Variants in RABGAP1L observed in about 807,000 individuals in gnomAD.
The protein encoded by RABGAP1L is RAB GTPase activating protein 1 like.
In RABGAP1L, 63 loss-of-function variants were observed where a neutral mutation model predicts 137.7. The observed-to-expected ratio is 0.46, with a 90% CI of 0.37 to 0.56. The LOEUF (loss-of-function observed/expected upper bound fraction) is 0.56, where lower values mean the gene tolerates loss of function less well. RABGAP1L is among the 20% of genes least tolerant of loss of function. The pLI is 0.00. For synonymous variants in RABGAP1L, 431 were observed against 433.7 expected (o/e 0.99, Z 0.08); for missense variants, 1,095 against 1,244.0 (o/e 0.88, Z 1.80).
At position 174,328,498 on chromosome 1, in the gene RABGAP1L, G is replaced by A. The variant is rs189392303; in HGVS notation, c.1465+23371G>A. 2.9e-3 allele frequency among the ~76,000 whole-genome samples: 446 copies of A among 152,206 alleles called. 4 individuals are homozygous for A. The highest frequency in any genetic ancestry group is 9.8e-3 in the African/African-American group (406 of 41,528). On this transcript the variant is annotated intron_variant, in intron 11 of 25. Coordinates refer to ENST00000681986, the MANE Select transcript of RABGAP1L (RefSeq NM_001366446.1). ...TTTAAAAAATTTCTTGGCCGGGCAC[G>A]TTGTCTCATGCCTGTAATCCTAGCA... is the stretch of plus-strand genomic sequence containing the variant.
chr1:174,796,416 T>C (rs1025470643), intron 18 of RABGAP1L, among the ~76,000 whole-genome samples: 5 of 152,196 alleles, frequency 3.3e-5, no homozygotes, highest in African/African-American at 1.2e-4. Flanking sequence ...TGAGTGATGC[T>C]TTTAGGGCTT....
intron 19 of RABGAP1L, among the ~76,000 whole-genome samples, chr1:174,896,014 C>T (rs965105120): frequency 2.0e-5 from 3 of 152,182 alleles, no homozygotes; most frequent in African/African-American, 7.2e-5. Context: ...TGAGGAATCG[C>T]CTCATTGTCT....
At chr1:174,324,614 T>C (rs1164231697) in intron 11 of RABGAP1L, among the ~76,000 whole-genome samples, 1 of 152,190 alleles carries the variant, frequency 6.6e-6, no homozygotes, top group African/African-American at 2.4e-5. Flanking sequence ...TGAGAATGGC[T>C]GAAATTATCT....
chr1:174,608,575 G>T (rs777727612), intron 13 of RABGAP1L, among the ~76,000 whole-genome samples: 2 of 152,118 alleles, frequency 1.3e-5, no homozygotes, highest in Admixed American at 6.6e-5. Context: ...GGAAAATGTG[G>T]GATGGAGGAT....
chr1:174,439,077 G>T (rs1653825261), intron 13 of RABGAP1L, among the ~76,000 whole-genome samples: 1 of 150,936 alleles, frequency 6.6e-6, no homozygotes, highest in Non-Finnish European at 1.5e-5. Context: ...TGTTAAACTG[G>T]CTGGGACCTC....
intron 13 of RABGAP1L, among the ~76,000 whole-genome samples, chr1:174,481,490 T>C (rs1659083385): frequency 6.6e-6 from 1 of 152,184 alleles, no homozygotes; most frequent in Admixed American, 6.6e-5. Context: ...TAAGGCCTGG[T>C]TCATAGGCCA....
At position 174,837,522 on chromosome 1, in the gene RABGAP1L, C is replaced by T. The variant is rs114539775; in HGVS notation, c.2340+25562C>T. Among the ~76,000 whole-genome samples the T allele has an allele frequency of 5.5e-3, 845 of 152,264 alleles. 7 individuals carry two copies. Among genetic ancestry groups the T allele is most frequent in the African/African-American group, 0.02 (821 of 41,546 alleles). ...ACACAGGGACAGGTGGAAGAGCATGCCCCCATGAGAGCTTTAAAGGAATAC... is the reference window on the plus strand; with the variant it reads ...ACACAGGGACAGGTGGAAGAGCATGTCCCCATGAGAGCTTTAAAGGAATAC... On this transcript the variant is annotated intron_variant, in intron 19 of 25. Coordinates refer to ENST00000681986, the MANE Select transcript of RABGAP1L (RefSeq NM_001366446.1).
At chr1:174,411,499 TTTG>T (rs1649925898) in intron 13 of RABGAP1L, among the ~76,000 whole-genome samples, 1 of 152,070 alleles carries the variant, frequency 6.6e-6, no homozygotes, top group Non-Finnish European at 1.5e-5. Flanking sequence ...TCACATGGCT[TTTG>T]TTTTTGTTTT....
intron 20 of RABGAP1L, among the ~76,000 whole-genome samples, chr1:174,965,816 G>A (rs1371308468): frequency 6.6e-6 from 1 of 152,218 alleles, no homozygotes; most frequent in Non-Finnish European, 1.5e-5. Flanking sequence ...TAAAGCAAAA[G>A]CCAGTAGGCG....
At chr1:174,872,801 G>A (rs1217815896) in intron 19 of RABGAP1L, among the ~76,000 whole-genome samples, 1 of 151,920 alleles carries the variant, frequency 6.6e-6, no homozygotes. Flanking sequence ...TCAGCCTCCC[G>A]GGATTATGAG....
chr1:174,888,970 C>A (rs1655643132), intron 19 of RABGAP1L, among the ~76,000 whole-genome samples: 1 of 152,082 alleles, frequency 6.6e-6, no homozygotes, highest in Admixed American at 6.5e-5. Context: ...TGTGTGTATG[C>A]ATAAGATATG....
At chr1:174,932,252 GTT>G (rs918212609) in intron 19 of RABGAP1L, among the ~76,000 whole-genome samples, 1 of 140,098 alleles carries the variant, frequency 7.1e-6, no homozygotes, top group African/African-American at 2.6e-5. Flanking sequence ...ATACTTCTTT[GTT>G]TTTTTTTTTT....
intron 13 of RABGAP1L, among the ~76,000 whole-genome samples, chr1:174,517,908 T>C (rs1021285272): frequency 1.3e-5 from 2 of 152,230 alleles, no homozygotes; most frequent in Non-Finnish European, 2.9e-5. Flanking sequence ...TTACTAAGTT[T>C]CTTTTTAATG....
At chr1:174,259,740 G>A (rs1673421545) in intron 7 of RABGAP1L, among the ~76,000 whole-genome samples, 1 of 152,062 alleles carries the variant, frequency 6.6e-6, no homozygotes, top group South Asian at 2.1e-4. Flanking sequence ...ATATAAAAGA[G>A]CAATAATAAT....
At chr1:174,551,779 G>T (rs1666564430) in intron 13 of RABGAP1L, among the ~76,000 whole-genome samples, 2 of 151,978 alleles carry the variant, frequency 1.3e-5, no homozygotes, top group African/African-American at 4.8e-5. Context: ...AATAAAATTG[G>T]TAAACCTTTG....
chr1:174,241,623 A>G lies in RABGAP1L; in HGVS notation c.683A>G (p.Gln228Arg). The G allele has an allele frequency of 6.2e-7, 1 of 1,613,686 alleles. No individual in the cohort carries two copies. The highest frequency in any genetic ancestry group is 8.5e-7 in the Non-Finnish European group (1 of 1,179,852). The change falls in exon 5 of 26, where the codon CAG becomes CGG. Residue 228 changes from glutamine to arginine, a missense_variant. Physicochemically the swap from Gln to Arg is conservative, Grantham distance 43. Coordinates refer to ENST00000681986, the MANE Select transcript of RABGAP1L (RefSeq NM_001366446.1). The stretch of plus-strand genomic sequence containing the variant: ...AGTTCCCATGGTTCGGAAGAATTTC[A>G]GATACATGTTTTCTCCTGTGAAATT... ...TESSHGSEEFQIHVFSCEIKE... is the reference protein window; with the variant it reads ...TESSHGSEEFRIHVFSCEIKE...
intron 19 of RABGAP1L, among the ~76,000 whole-genome samples, chr1:174,824,502 A>T (rs1206620117): frequency 6.6e-6 from 1 of 152,116 alleles, no homozygotes; most frequent in Admixed American, 6.5e-5. Flanking sequence ...CTCTAAATAA[A>T]TAAGAAATAA....
chr1:174,222,179 G>A (rs1353718009), intron 3 of RABGAP1L, among the ~76,000 whole-genome samples: 1 of 152,122 alleles, frequency 6.6e-6, no homozygotes. Context: ...ACTCTGATTG[G>A]ACCAGTGAAA....
chr1:174,572,384 T>TTTTGTTTG (rs58333654), intron 13 of RABGAP1L, among the ~76,000 whole-genome samples: 2 of 151,938 alleles, frequency 1.3e-5, no homozygotes, highest in African/African-American at 4.8e-5. Context: ...TAAATGTTGT[T>TTTTGTTTG]TTTGTTTGTT....
Sources: gnomAD v4.1 joint callset for allele counts (sites outside exome capture counted in the v4.1 genomes callset) on GRCh38, gnomAD v4.1.1 for gene constraint, MANE v1.5 for transcripts, NCBI Gene and HGNC (gene_info 2026-07-23, HGNC 2026-07-21) for gene names.